PLA2R1: variants seen among roughly 807,000 people sequenced by gnomAD.
The protein encoded by PLA2R1 is phospholipase A2 receptor 1.
PLA2R1 carries 158 observed loss-of-function variants against 195.9 expected under a neutral mutation model. That is an observed-to-expected ratio of 0.81 (90% confidence interval 0.71 to 0.92). The LOEUF (loss-of-function observed/expected upper bound fraction) is 0.92. PLA2R1 is among the 40% of genes least tolerant of loss of function. PLA2R1 has a pLI of 0.00. For missense variants in PLA2R1, 1,626 were observed against 1,764.6 expected (o/e 0.92, Z 1.41); for synonymous variants, 586 against 598.2 (o/e 0.98, Z 0.30).
At chr2:160,034,708 G>C (rs1694067077) in intron 3 of PLA2R1, among the ~76,000 whole-genome samples, 7 of 152,124 alleles carry the variant, frequency 4.6e-5, no homozygotes, top group Admixed American at 4.6e-4. Flanking sequence ...TGAAGCGGGA[G>C]GATCACTTGA....
intron 1 of PLA2R1, among the ~76,000 whole-genome samples, chr2:160,058,433 GGTTCT>G (rs1242219124): frequency 1.3e-5 from 2 of 152,098 alleles, no homozygotes; most frequent in African/African-American, 4.8e-5. Context: ...CACAGACTTA[GGTTCT>G]TTCCACTCCT....
chr2:159,993,453 T>C (rs931729236), intron 11 of PLA2R1, among the ~76,000 whole-genome samples: 1 of 148,198 alleles, frequency 6.7e-6, no homozygotes, highest in Admixed American at 6.8e-5. Flanking sequence ...GTGTTTAATT[T>C]ACACACACAC....
In PLA2R1 at chr2:159,933,994, G is replaced by A. The variant is rs189370713; in HGVS notation, c.*7784C>T. 6.6e-6 allele frequency: 1 copy of A among 152,328 alleles called. No individual in the cohort carries two copies. The highest frequency in any genetic ancestry group is 6.5e-5 in the Admixed American group (1 of 15,304). 9.4% of individuals were successfully genotyped at this position (152,328 alleles called of 1,614,324 possible). ...CCCAATAACTTTATTTCCAAAATAG[G>A]CTGCAGGCTGGATTTGGCCCTGCCA... On this transcript the variant is annotated 3_prime_UTR_variant, in exon 30 of 30. Coordinates refer to ENST00000283243, the MANE Select transcript of PLA2R1 (RefSeq NM_007366.5).
intron 11 of PLA2R1, among the ~76,000 whole-genome samples, chr2:160,003,829 G>A (rs1691778740): frequency 6.6e-6 from 1 of 152,118 alleles, no homozygotes; most frequent in Admixed American, 6.5e-5. Context: ...TTCACCCAAT[G>A]TCCTTCAACA....
rs756114267 is a variant in PLA2R1, at chr2:159,979,909, T to C, written c.2189A>G (p.Glu730Gly). ...ELLHSKFNWT[E>G]ERQFWIGFNK... ...AAATCCAATCCAGAACTGCCTTTCTTCTGTCCTGTAAAGAGAAGAAACAAA... is the reference window on the plus strand; with the variant it reads ...AAATCCAATCCAGAACTGCCTTTCTCCTGTCCTGTAAAGAGAAGAAACAAA... The change falls in exon 14 of 30, where the codon GAA becomes GGA. Residue 730 changes from glutamate (E) to glycine (G), a missense_variant. Physicochemically the swap from Glu to Gly is moderately conservative, Grantham distance 98. Transcript: ENST00000283243. 6.3e-7 allele frequency: 1 copy of C among 1,591,446 alleles called. No individual in the cohort carries two copies. Among genetic ancestry groups the C allele is most frequent in the Admixed American group, 1.7e-5 (1 of 59,792 alleles).
At chr2:159,969,387 C>G in intron 18 of PLA2R1, 28 bp from the exon 19 acceptor site, 1 of 1,240,732 alleles carries the variant, frequency 8.1e-7, no homozygotes, top group Non-Finnish European at 1.2e-6. Flanking sequence ...ATGTTAAGGT[C>G]TTCTCTCATT....
intron 1 of PLA2R1, among the ~76,000 whole-genome samples, chr2:160,056,356 C>T (rs547194221): frequency 6.6e-6 from 1 of 152,170 alleles, no homozygotes; most frequent in Non-Finnish European, 1.5e-5. Flanking sequence ...CCAAACTCTA[C>T]TCGACTTTAG....
rs1414649693 is a variant in PLA2R1, at chr2:159,951,379, C to T, written c.3501G>A (p.Arg1167=). ...HQSFLTVVLN[R]LGYAHWIGLF... Reference sequence around the variant, plus strand: ...GTCCAATCCAGTGGGCATATCCTAGCCGGTTGAGGACAACAGTGAGGAAGG... The same window carrying T: ...GTCCAATCCAGTGGGCATATCCTAGTCGGTTGAGGACAACAGTGAGGAAGG... The change falls in exon 24 of 30, where the codon CGG becomes CGA. Residue 1167 remains arginine (R), a synonymous_variant. Transcript: ENST00000283243. The T allele has an allele frequency of 1.2e-6, 2 of 1,613,146 alleles. No individual in the cohort carries two copies. Among genetic ancestry groups the T allele is most frequent in the Admixed American group, 1.7e-5 (1 of 59,990 alleles).
chr2:159,982,425 C>G (rs746737166), intron 13 of PLA2R1, among the ~76,000 whole-genome samples: 1 of 152,110 alleles, frequency 6.6e-6, no homozygotes, highest in African/African-American at 2.4e-5. Context: ...CAGCATTTCC[C>G]GTAGGGACTA....
At chr2:159,989,374 G>A (rs1364036103) in intron 11 of PLA2R1, among the ~76,000 whole-genome samples, 1 of 152,176 alleles carries the variant, frequency 6.6e-6, no homozygotes, top group African/African-American at 2.4e-5. Flanking sequence ...AGCCCCAAAT[G>A]CAATATACTT....
intron 20 of PLA2R1, among the ~76,000 whole-genome samples, chr2:159,960,771 G>A (rs1688387003): frequency 2.0e-5 from 3 of 152,272 alleles, no homozygotes; most frequent in Admixed American, 6.5e-5. Context: ...CATTAGAAAA[G>A]ATGCTTAATT....
rs573813487 is a variant in PLA2R1, at chr2:160,061,912, T to A, written c.109+383A>T. Among the ~76,000 whole-genome samples the A allele has an allele frequency of 9.2e-5, 14 of 152,278 alleles. 1 individual carries two copies. Among genetic ancestry groups the A allele is most frequent in the Admixed American group, 7.8e-4 (12 of 15,304 alleles). On this transcript the variant is annotated intron_variant, in intron 1 of 29. Transcript: ENST00000283243. Reference sequence around the variant, plus strand: ...GGGACGAACTGAGCCATCTTTTTGCTATCATTTATCCGTCCCAAATAAGCA... The same window carrying A: ...GGGACGAACTGAGCCATCTTTTTGCAATCATTTATCCGTCCCAAATAAGCA...
chr2:160,012,471 C>A (rs1692425627), intron 10 of PLA2R1, among the ~76,000 whole-genome samples: 1 of 152,128 alleles, frequency 6.6e-6, no homozygotes, highest in African/African-American at 2.4e-5. Flanking sequence ...ATCAGGAAGG[C>A]ATATGTGCAC....
At chr2:160,041,797 T>C (rs1694536262) in intron 3 of PLA2R1, among the ~76,000 whole-genome samples, 1 of 152,240 alleles carries the variant, frequency 6.6e-6, no homozygotes, top group African/African-American at 2.4e-5. Flanking sequence ...CTGAGCTTAA[T>C]GAAGAATGGC....
chr2:160,059,066 C>T (rs1260152033), intron 1 of PLA2R1, among the ~76,000 whole-genome samples: 4 of 152,098 alleles, frequency 2.6e-5, no homozygotes, highest in South Asian at 2.1e-4. Flanking sequence ...ATAAGGAGCT[C>T]GCAACCTAGA....
chr2:159,998,911 A>G (rs1691407423), intron 11 of PLA2R1, among the ~76,000 whole-genome samples: 1 of 152,122 alleles, frequency 6.6e-6, no homozygotes, highest in Admixed American at 6.6e-5. Context: ...ACTTCTTACA[A>G]CACTCACCAC....
chr2:160,048,063 G>A (rs1403691450), intron 1 of PLA2R1, among the ~76,000 whole-genome samples: 1 of 152,102 alleles, frequency 6.6e-6, no homozygotes, highest in Admixed American at 6.6e-5. Context: ...AAACTCCTGG[G>A]CTCAAGCAAT....
At chr2:160,038,628 G>A (rs956206784) in intron 3 of PLA2R1, among the ~76,000 whole-genome samples, 1 of 152,178 alleles carries the variant, frequency 6.6e-6, no homozygotes, top group Admixed American at 6.5e-5. Context: ...CTGTCTGTCT[G>A]ATGGATCTTT....
At chr2:160,030,125 C>T (rs960842401) in intron 4 of PLA2R1, among the ~76,000 whole-genome samples, 45 of 152,302 alleles carry the variant, frequency 3.0e-4, no homozygotes, top group Non-Finnish European at 4.7e-4. Flanking sequence ...TCATTGTAGT[C>T]ATATAACAAG....
Sources: gnomAD v4.1 joint callset for allele counts (sites outside exome capture counted in the v4.1 genomes callset) on GRCh38, gnomAD v4.1.1 for gene constraint, MANE v1.5 for transcripts, NCBI Gene and HGNC (gene_info 2026-07-23, HGNC 2026-07-21) for gene names.